ATG10: variants seen among roughly 807,000 people sequenced by gnomAD.
ATG10 encodes the protein autophagy related 10, also known as ubiquitin-like-conjugating enzyme ATG10.
A neutral mutation model predicts 32.1 loss-of-function variants in ATG10; 30 were observed. The ratio of observed to expected loss-of-function variants is 0.94; its 90% CI spans 0.70 to 1.27. The LOEUF (loss-of-function observed/expected upper bound fraction) is 1.27, where lower values mean the gene tolerates loss of function less well. Ranked by LOEUF, ATG10 falls within the 50% of genes most tolerant of loss-of-function variation. The pLI is 0.00. For synonymous variants in ATG10, 87 were observed against 91.5 expected (o/e 0.95, Z 0.28); for missense variants, 233 against 262.3 (o/e 0.89, Z 0.77).
At chr5:82,098,954 A>G (rs1235783707) in intron 3 of ATG10, among the ~76,000 whole-genome samples, 4 of 152,250 alleles carry the variant, frequency 2.6e-5, no homozygotes, top group African/African-American at 9.6e-5. Flanking sequence ...TTACATCTTG[A>G]ATTTAATTTA....
chr5:82,221,849 A>G (rs1220800140), intron 5 of ATG10, among the ~76,000 whole-genome samples: 1 of 152,236 alleles, frequency 6.6e-6, no homozygotes, highest in African/African-American at 2.4e-5. Context: ...GTATATTGTT[A>G]GCAAACTCAG....
intron 4 of ATG10, among the ~76,000 whole-genome samples, chr5:82,170,799 A>AT (rs1355056728): frequency 7.2e-5 from 11 of 151,968 alleles, no homozygotes; most frequent in African/African-American, 2.7e-4. Flanking sequence ...ACAAAAAAAA[A>AT]TAGCTAGGCA....
At chr5:82,021,490 T>C (rs1344905163) in intron 2 of ATG10, among the ~76,000 whole-genome samples, 1 of 152,232 alleles carries the variant, frequency 6.6e-6, no homozygotes, top group African/African-American at 2.4e-5. Flanking sequence ...CAATACCTGA[T>C]ACAGTGTAAA....
chr5:82,050,134 CTAACA>C (rs537837532), intron 2 of ATG10, among the ~76,000 whole-genome samples: 18 of 152,028 alleles, frequency 1.2e-4, no homozygotes, highest in African/African-American at 4.1e-4. Context: ...ACTTTTCCAC[CTAACA>C]TATCAGTGAC....
Position 82,018,631 on chromosome 5 carries a change from A to T in ATG10, c.108+30953A>T, listed in dbSNP as rs113378920. Among the ~76,000 whole-genome samples, 870 of 152,096 alleles carry T rather than the reference A, an allele frequency of 5.7e-3. 7 individuals are homozygous for T. Among genetic ancestry groups the T allele is most frequent in the African/African-American group, 0.02 (815 of 41,480 alleles). On this transcript the variant is annotated intron_variant, in intron 2 of 7. Transcript: ENST00000282185. ...ACGCTGACCTTGCTGTTCTTTAAAC[A>T]CTCCAGACAAACACTGCCACCCTGG...
At position 82,154,641 on chromosome 5, in the gene ATG10, G is replaced by A. The variant is rs577298673; in HGVS notation, c.217-9758G>A. On this transcript the variant is annotated intron_variant, in intron 3 of 7. Coordinates refer to ENST00000282185, the MANE Select transcript of ATG10 (RefSeq NM_031482.5). Reference sequence around the variant, plus strand: ...CTCTGAAGTCTATGTGTTTTTATCCGAGATTTTGAGTGTCTCCTTGAATCC... The same window carrying A: ...CTCTGAAGTCTATGTGTTTTTATCCAAGATTTTGAGTGTCTCCTTGAATCC... Among the ~76,000 whole-genome samples the A allele has an allele frequency of 1.8e-3, 276 of 152,152 alleles. 2 individuals carry two copies. The highest frequency in any genetic ancestry group is 6.4e-3 in the African/African-American group (264 of 41,510).
intron 1 of ATG10, among the ~76,000 whole-genome samples, chr5:81,981,144 C>G (rs1434504017): frequency 6.6e-6 from 1 of 152,214 alleles, no homozygotes; most frequent in Non-Finnish European, 1.5e-5. Context: ...CAGGGCCATG[C>G]CTTCTGTGTC....
chr5:82,196,368 A>G (rs1466298983), intron 5 of ATG10, among the ~76,000 whole-genome samples: 1 of 152,146 alleles, frequency 6.6e-6, no homozygotes, highest in Non-Finnish European at 1.5e-5. Context: ...TTTGGCTCAC[A>G]AAAGTTTTTT....
chr5:82,231,935 CTT>C (rs1231066384), intron 5 of ATG10, among the ~76,000 whole-genome samples: 2 of 152,182 alleles, frequency 1.3e-5, no homozygotes, highest in African/African-American at 2.4e-5. Flanking sequence ...AGATTCATCT[CTT>C]TTCTGTTGCT....
chr5:82,142,804 A>G (rs1046479821), intron 3 of ATG10, among the ~76,000 whole-genome samples: 1 of 152,190 alleles, frequency 6.6e-6, no homozygotes, highest in African/African-American at 2.4e-5. Flanking sequence ...GATCACAGCA[A>G]TACTTAGGAG....
intron 3 of ATG10, among the ~76,000 whole-genome samples, chr5:82,079,268 AG>A (rs1236433978): frequency 6.6e-6 from 1 of 152,060 alleles, no homozygotes; most frequent in Non-Finnish European, 1.5e-5. Context: ...CCACATGGCT[AG>A]GGAGGCCTCA....
intron 1 of ATG10, among the ~76,000 whole-genome samples, chr5:81,982,780 G>A (rs1761093982): frequency 6.6e-6 from 1 of 152,138 alleles, no homozygotes; most frequent in Admixed American, 6.5e-5. Flanking sequence ...TGAGCATGCT[G>A]CCCTCAAGCA....
chr5:82,106,138 A>T (rs1765438428), intron 3 of ATG10, among the ~76,000 whole-genome samples: 1 of 152,146 alleles, frequency 6.6e-6, no homozygotes, highest in African/African-American at 2.4e-5. Flanking sequence ...TCCAGCATAG[A>T]GGGTAATTGC....
At chr5:82,073,048 G>C (rs575221605) in intron 3 of ATG10, 1 of 152,168 alleles carries the variant, frequency 6.6e-6, no homozygotes, top group Non-Finnish European at 1.5e-5. Flanking sequence ...TGTTATTTAA[G>C]TGAAGAGAGC....
chr5:82,052,654 A>T (rs949868641), intron 2 of ATG10, among the ~76,000 whole-genome samples: 2 of 152,204 alleles, frequency 1.3e-5, no homozygotes, highest in East Asian at 3.8e-4. Flanking sequence ...GTTGCCAGTG[A>T]TACCATGGTC....
At chr5:82,032,582 T>A (rs1015039835) in intron 2 of ATG10, among the ~76,000 whole-genome samples, 1 of 152,030 alleles carries the variant, frequency 6.6e-6, no homozygotes, top group African/African-American at 2.4e-5. Flanking sequence ...TATTAAAAAT[T>A]CAAGCAATAT....
intron 5 of ATG10, among the ~76,000 whole-genome samples, chr5:82,232,607 A>G (rs1746404605): frequency 6.6e-6 from 1 of 152,158 alleles, no homozygotes. Context: ...CTAGTCACCA[A>G]TATATCTCAA....
intron 3 of ATG10, among the ~76,000 whole-genome samples, chr5:82,085,619 C>G (rs1390645129): frequency 2.0e-5 from 3 of 151,162 alleles, no homozygotes; most frequent in Non-Finnish European, 4.4e-5. Flanking sequence ...GTCCATGTAC[C>G]CTAGAACTTA....
intron 3 of ATG10, among the ~76,000 whole-genome samples, chr5:82,123,981 A>G (rs192080513): frequency 6.6e-6 from 1 of 152,056 alleles, no homozygotes; most frequent in East Asian, 1.9e-4. Flanking sequence ...TGAAAAATCT[A>G]TTCCAATCCT....
Sources: gnomAD v4.1 joint callset for allele counts (sites outside exome capture counted in the v4.1 genomes callset) on GRCh38, gnomAD v4.1.1 for gene constraint, MANE v1.5 for transcripts, NCBI Gene and HGNC (gene_info 2026-07-23, HGNC 2026-07-21) for gene names.